The following ADAMTS3 variants were observed in gnomAD, a reference collection of about 807,000 sequenced individuals.
The protein encoded by ADAMTS3 is ADAM metallopeptidase with thrombospondin type 1 motif 3, also known as A disintegrin and metalloproteinase with thrombospondin motifs 3.
ADAMTS3 carries 73 observed loss-of-function variants against 129.0 expected under a neutral mutation model. That is an observed-to-expected ratio of 0.57 (90% CI 0.47 to 0.69). The LOEUF is 0.69. ADAMTS3 is among the 30% of genes least tolerant of loss of function. ADAMTS3 has a pLI of 0.00. For missense variants in ADAMTS3, 1,457 were observed against 1,514.5 expected (o/e 0.96, Z 0.63); for synonymous variants, 477 against 510.8 (o/e 0.93, Z 0.89).
intron 3 of ADAMTS3, among the ~76,000 whole-genome samples, chr4:72,501,074 T>C (rs1191921387): frequency 6.6e-6 from 1 of 152,160 alleles, no homozygotes; most frequent in African/African-American, 2.4e-5. Flanking sequence ...TCTTTTTGCT[T>C]AGCATTGCTT....
chr4:72,300,673 A>G lies in ADAMTS3; in HGVS notation c.2425-2231T>C, dbSNP rs190637316. Among the ~76,000 whole-genome samples the G allele has an allele frequency of 2.8e-4, 43 of 152,280 alleles. No homozygotes were observed. In the East Asian group the frequency reaches 7.9e-3, roughly 28 times the overall value. ...GTGATGGTTTAAGAAATGTAGATAC[A>G]TTAGGTAAAAAAGGACTGAGAATTC... On this transcript the variant is annotated intron_variant, in intron 17 of 21. Coordinates refer to ENST00000286657, the MANE Select transcript of ADAMTS3 (RefSeq NM_014243.3).
intron 3 of ADAMTS3, among the ~76,000 whole-genome samples, chr4:72,516,300 G>C (rs977136616): frequency 3.3e-5 from 5 of 152,074 alleles, no homozygotes; most frequent in African/African-American, 1.2e-4. Flanking sequence ...TTTTAGCTTA[G>C]GATTGACTTG....
chr4:72,447,539 T>C (rs1397346508), intron 3 of ADAMTS3, among the ~76,000 whole-genome samples: 1 of 151,748 alleles, frequency 6.6e-6, no homozygotes, highest in Non-Finnish European at 1.5e-5. Flanking sequence ...AATGCCACAT[T>C]GGAAAATACA....
chr4:72,445,295 A>G (rs1389896066), intron 3 of ADAMTS3, among the ~76,000 whole-genome samples: 1 of 151,728 alleles, frequency 6.6e-6, no homozygotes, highest in African/African-American at 2.4e-5. Context: ...ATACTTGCTC[A>G]TGTTTATAAG....
At chr4:72,406,332 C>A (rs1722052201) in intron 4 of ADAMTS3, among the ~76,000 whole-genome samples, 1 of 152,114 alleles carries the variant, frequency 6.6e-6, no homozygotes, top group Non-Finnish European at 1.5e-5. Flanking sequence ...AGGATAATTT[C>A]ATATAGAAAT....
chr4:72,513,505 T>C (rs2109726362), intron 3 of ADAMTS3, among the ~76,000 whole-genome samples: 1 of 152,258 alleles, frequency 6.6e-6, no homozygotes, highest in East Asian at 1.9e-4. Flanking sequence ...GGATTAACCT[T>C]CTTGAGTAAA....
At chr4:72,455,909 T>TATATATATTTTATGTATAGTATATATACA (rs1560522098) in intron 3 of ADAMTS3, among the ~76,000 whole-genome samples, 3 of 66,554 alleles carry the variant, frequency 4.5e-5, no homozygotes, top group African/African-American at 6.4e-5. Flanking sequence ...GTATATACAC[T>TATATATATTTTATGTATAGTATATATACA]GTATATATAC....
Position 72,290,930 on chromosome 4 carries a change from A to C in ADAMTS3, c.2856T>G (p.Gly952=). 1 of 1,614,028 alleles carries C rather than the reference A, an allele frequency of 6.2e-7. No homozygotes were observed. Among genetic ancestry groups the C allele is most frequent in the African/African-American group, 1.3e-5 (1 of 75,018 alleles). Residue 952 remains glycine (G), a synonymous_variant, in exon 20 of 22, where the codon GGT becomes GGG. Coordinates refer to ENST00000286657, the MANE Select transcript of ADAMTS3 (RefSeq NM_014243.3). ...AGGGCCGGCGGCTCTCGGGACGGTC[A>C]CCCATGCAGTATTTGCTGTGCACAG... ...NRSVHSKYCM[G]DRPESRRPCN...
At chr4:72,483,822 T>A (rs1207956258) in intron 3 of ADAMTS3, among the ~76,000 whole-genome samples, 1 of 152,042 alleles carries the variant, frequency 6.6e-6, no homozygotes. Context: ...ATTGAGACCA[T>A]CCTGACTAAC....
chr4:72,459,834 A>G (rs1718715317), intron 3 of ADAMTS3, among the ~76,000 whole-genome samples: 1 of 151,526 alleles, frequency 6.6e-6, no homozygotes. Flanking sequence ...TATCTTGGGA[A>G]TGGGACCCAA....
At chr4:72,479,758 G>A (rs1416719111) in intron 3 of ADAMTS3, among the ~76,000 whole-genome samples, 2 of 151,950 alleles carry the variant, frequency 1.3e-5, no homozygotes, top group Non-Finnish European at 1.5e-5. Flanking sequence ...TGAACAGGCA[G>A]CCTGCAAAAT....
chr4:72,475,025 TA>T (rs1553917385), intron 3 of ADAMTS3, among the ~76,000 whole-genome samples: 48 of 133,612 alleles, frequency 3.6e-4, no homozygotes, highest in Non-Finnish European at 3.5e-4. Flanking sequence ...AGACTCCGTC[TA>T]AAAAAAAAAA....
intron 4 of ADAMTS3, among the ~76,000 whole-genome samples, chr4:72,342,191 C>A (rs1332374442): frequency 1.3e-5 from 2 of 152,046 alleles, no homozygotes; most frequent in Admixed American, 1.3e-4. Context: ...AACCTTAAAG[C>A]AAGGATGATC....
chr4:72,439,112 T>C (rs925000659), intron 3 of ADAMTS3, among the ~76,000 whole-genome samples: 3 of 151,750 alleles, frequency 2.0e-5, no homozygotes, highest in African/African-American at 7.2e-5. Flanking sequence ...AATTAAGTTA[T>C]ATTTAATTTT....
chr4:72,309,300 A>T, intron 15 of ADAMTS3, 97 bp downstream of exon 15: 1 of 1,233,256 alleles, frequency 8.1e-7, no homozygotes, highest in Non-Finnish European at 1.1e-6. Context: ...AATTTTGATT[A>T]TGTTTATAGA....
intron 18 of ADAMTS3, among the ~76,000 whole-genome samples, chr4:72,296,351 A>C (rs1252650671): frequency 6.6e-6 from 1 of 152,060 alleles, no homozygotes; most frequent in African/African-American, 2.4e-5. Flanking sequence ...CGAGTTAGGG[A>C]AGGATCAGAT....
At chr4:72,455,997 T>TGTATTTTATATAGTATATATAC (rs1560522289) in intron 3 of ADAMTS3, among the ~76,000 whole-genome samples, 1 of 47,488 alleles carries the variant, frequency 2.1e-5, no homozygotes, top group African/African-American at 7.5e-5. Flanking sequence ...ACTATATATA[T>TGTATTTTATATAGTATATATAC]TTTACATATA....
At position 72,281,393 on chromosome 4, in the gene ADAMTS3, A is replaced by C. The variant is rs1036521989; in HGVS notation, c.*1743T>G. 2.0e-5 allele frequency: 3 copies of C among 152,626 alleles called. No individual in the cohort carries two copies. The highest frequency in any genetic ancestry group is 1.3e-4 in the Admixed American group (2 of 15,276). 9.5% of individuals were successfully genotyped at this position (152,626 alleles called of 1,614,324 possible). The stretch of plus-strand genomic sequence containing the variant: ...TGCACATTCTGTGCTTTGAGAGGTT[A>C]ATTCATCTACATTTTAGTTTGTATA... On this transcript the variant is annotated 3_prime_UTR_variant, in exon 22 of 22. Transcript: ENST00000286657.
intron 12 of ADAMTS3, among the ~76,000 whole-genome samples, chr4:72,312,891 T>G (rs1401220035): frequency 6.6e-6 from 1 of 152,190 alleles, no homozygotes; most frequent in African/African-American, 2.4e-5. Context: ...CTGTGAAGAT[T>G]AAATGAGTTG....
Sources: gnomAD v4.1 joint callset for allele counts (sites outside exome capture counted in the v4.1 genomes callset) on GRCh38, gnomAD v4.1.1 for gene constraint, MANE v1.5 for transcripts, NCBI Gene and HGNC (gene_info 2026-07-23, HGNC 2026-07-21) for gene names.